Variants in NBPF3 observed in about 807,000 individuals in gnomAD.
NBPF3 encodes NBPF family member NBPF3.
In NBPF3, 57 loss-of-function variants were observed where a neutral mutation model predicts 78.1. The ratio of observed to expected loss-of-function variants is 0.73; its 90% CI spans 0.59 to 0.91. The LOEUF (loss-of-function observed/expected upper bound fraction) is 0.91. Among genes scored for constraint, NBPF3 ranks in the 40% least tolerant of loss-of-function variants. The pLI is 0.00. For synonymous variants in NBPF3, 182 were observed against 271.7 expected, an observed-to-expected ratio of 0.67 and a Z score of 3.25; for missense variants, 510 against 715.3, an observed-to-expected ratio of 0.71 and a Z score of 3.27.
chr1:21,437,754 G>C (rs1200842546), upstream of NBPF3, among the ~76,000 whole-genome samples: 1 of 147,576 alleles, frequency 6.8e-6, no homozygotes, highest in East Asian at 2.1e-4. Context: ...TCCCGGGTTC[G>C]TGCCATTCTC....
At position 21,440,603 on chromosome 1, in the gene NBPF3, G is replaced by T. The variant is rs4654745; in HGVS notation, c.-140+255G>T. Among the ~76,000 whole-genome samples, 68,703 of 151,992 alleles carry T rather than the reference G, an allele frequency of 0.45. 17,348 individuals carry two copies. Among genetic ancestry groups the T allele is most frequent in the Middle Eastern group, 0.61 (180 of 294 alleles). On this transcript the variant is annotated intron_variant, in intron 1 of 14. Transcript: ENST00000318249. ...TGGCGGGTGTTCTGTGGCATCCCAG[G>T]GGGTGGAGGGACGGAGCAGCTTCGG...
intron 12 of NBPF3, among the ~76,000 whole-genome samples, chr1:21,481,293 G>T (rs907636681): frequency 5.3e-5 from 8 of 151,346 alleles, no homozygotes; most frequent in Admixed American, 5.3e-4. Flanking sequence ...ACTGTATGCT[G>T]TGTGCCCTGA....
intron 12 of NBPF3, among the ~76,000 whole-genome samples, chr1:21,481,292 T>C (rs1313712211): frequency 6.6e-6 from 1 of 151,514 alleles, no homozygotes; most frequent in Non-Finnish European, 1.5e-5. Context: ...CACTGTATGC[T>C]GTGTGCCCTG....
At chr1:21,444,746 A>T (rs1417593793) in intron 1 of NBPF3, among the ~76,000 whole-genome samples, 1 of 152,050 alleles carries the variant, frequency 6.6e-6, no homozygotes, top group Non-Finnish European at 1.5e-5. Context: ...TTATTTTCCA[A>T]GACGGGGTCT....
rs1237434311 is a variant in NBPF3 at position 21,476,634 on chromosome 1, G to T, written c.993-1510G>T. 6.6e-6 allele frequency among the ~76,000 whole-genome samples: 1 copy of T among 152,144 alleles called. No individual in the cohort carries two copies. Among genetic ancestry groups the T allele is most frequent in the Non-Finnish European group, 1.5e-5 (1 of 68,022 alleles). Reference sequence around the variant, plus strand: ...CTCTCTTCTGGCTTGTAGGGTTTCTGCAGAGAGATCCACTGTTAGTCTGGT... The same window carrying T: ...CTCTCTTCTGGCTTGTAGGGTTTCTTCAGAGAGATCCACTGTTAGTCTGGT... On this transcript the variant is annotated intron_variant, in intron 8 of 14. Coordinates refer to ENST00000318249, the MANE Select transcript of NBPF3 (RefSeq NM_032264.6). The surrounding 1 kb of genome is among the most constrained non-coding windows in gnomAD (Gnocchi z 4.1).
At chr1:21,449,431 A>G (rs1486159112) in intron 2 of NBPF3, among the ~76,000 whole-genome samples, 1 of 151,350 alleles carries the variant, frequency 6.6e-6, no homozygotes, top group Non-Finnish European at 1.5e-5. Context: ...TTCACATAAT[A>G]ATATGTGGAG....
rs1462586635 is a variant in NBPF3 at position 21,473,386 on chromosome 1, G to A, written c.741G>A (p.Val247=). 1.9e-6 allele frequency: 3 copies of A among 1,614,026 alleles called. No homozygotes were observed. The highest frequency in any genetic ancestry group is 2.5e-6 in the Non-Finnish European group (3 of 1,179,866). Residue 247 remains valine, a synonymous_variant, in exon 7 of 15, where the codon GTG becomes GTA. Transcript: ENST00000318249. ...KVQELYAPRE[V]QKAEEKEVPE... ...ATCCCACCTGGCTCATCAGGGAGGT[G>A]CAGAAGGCTGAAGAAAAGGAAGTCC...
chr1:21,462,520 T>C (rs540884811), intron 2 of NBPF3, among the ~76,000 whole-genome samples: 176 of 152,196 alleles, frequency 1.2e-3, no homozygotes, highest in Non-Finnish European at 1.8e-3. Context: ...AGATAACAAA[T>C]ATTTAGCCTA....
At chr1:21,477,711 A>G (rs1399533269) in intron 8 of NBPF3, among the ~76,000 whole-genome samples, 1 of 151,666 alleles carries the variant, frequency 6.6e-6, no homozygotes, top group Non-Finnish European at 1.5e-5. Flanking sequence ...TGAAAAAATA[A>G]ACATATTATA....
chr1:21,443,648 C>G (rs1640795600), intron 1 of NBPF3, among the ~76,000 whole-genome samples: 1 of 151,744 alleles, frequency 6.6e-6, no homozygotes, highest in South Asian at 2.1e-4. Flanking sequence ...GTGTCTCGCT[C>G]TGTTGCCCAG....
In NBPF3 at chr1:21,445,192, C is replaced by T. The variant is rs758505231; in HGVS notation, c.106C>T (p.Arg36Ter). The change falls in exon 2 of 15, where the codon CGA becomes TGA. Residue 36 changes from arginine to a stop codon, truncating the protein, a stop_gained. Transcript: ENST00000318249. LOFTEE classifies it high-confidence loss of function. ...APRAASHGVG[R>*]HQELRDPTVP... ...AAGAGCAGCCTCACATGGTGTGGGC[C>T]GACATCAAGAGCTGCGAGATCCAAC... 16 of 1,611,552 alleles carry T rather than the reference C, an allele frequency of 9.9e-6. No individual in the cohort carries two copies. Among genetic ancestry groups the T allele is most frequent in the African/African-American group, 1.3e-5 (1 of 74,726 alleles).
chr1:21,469,052 G>A (rs1028797421), intron 3 of NBPF3, among the ~76,000 whole-genome samples, 155 bp downstream of exon 3: 2 of 152,168 alleles, frequency 1.3e-5, no homozygotes, highest in African/African-American at 4.8e-5. Context: ...AAATTGGGAA[G>A]TCAGAGGTAC....
chr1:21,470,314 G>A (rs1214685376), intron 3 of NBPF3, among the ~76,000 whole-genome samples: 2 of 152,254 alleles, frequency 1.3e-5, no homozygotes, highest in Non-Finnish European at 2.9e-5. Flanking sequence ...TTAGAGGAGA[G>A]GCTGCAAGGC....
intron 2 of NBPF3, among the ~76,000 whole-genome samples, chr1:21,452,826 G>A (rs894158856): frequency 6.6e-6 from 1 of 152,130 alleles, no homozygotes; most frequent in African/African-American, 2.4e-5. Flanking sequence ...ACACATAATC[G>A]AGCAAGGCTG....
At position 21,483,419 on chromosome 1, in the gene NBPF3, T is replaced by C. The variant is rs1320734422; in HGVS notation, c.*33T>C. ...TTACTAAGCTGAGAGATGTCATTGC[T>C]GCAGGCAGGACGTATAGGCACATGT... On this transcript the variant is annotated 3_prime_UTR_variant, in exon 15 of 15. Transcript: ENST00000318249. 1.5e-6 allele frequency: 1 copy of C among 677,172 alleles called. No homozygotes were observed. Among genetic ancestry groups the C allele is most frequent in the East Asian group, 3.1e-5 (1 of 31,864 alleles). The allele number at this position is 677,172 out of a possible 1,614,324, so 41.9% of individuals were successfully genotyped here. A position where few individuals can be genotyped will look rare whatever the true frequency, so the allele number is the denominator to read the frequency against.
At chr1:21,480,460 C>T (rs542304973) in intron 11 of NBPF3, among the ~76,000 whole-genome samples, 1 of 121,212 alleles carries the variant, frequency 8.3e-6, no homozygotes, top group South Asian at 2.8e-4. Flanking sequence ...CCTGAGCCCA[C>T]TCTCAGCACA....
chr1:21,459,452 A>G (rs1039761010), intron 2 of NBPF3, among the ~76,000 whole-genome samples: 2 of 152,220 alleles, frequency 1.3e-5, no homozygotes, highest in Non-Finnish European at 2.9e-5. Flanking sequence ...TTCATAAAAA[A>G]TCCCTCCAAA....
rs1407243890 is a variant in NBPF3 at position 21,478,214 on chromosome 1, A to G, written c.1063A>G (p.Ile355Val). 6.2e-7 allele frequency: 1 copy of G among 1,614,156 alleles called. No individual in the cohort carries two copies. Residue 355 changes from isoleucine (I) to valine (V), a missense_variant, in exon 9 of 15, where the codon ATT (isoleucine) becomes GTT (valine). Ile to Val is a conservative substitution (Grantham distance 29, BLOSUM62 3). Around this residue, in one of 5 missense-constraint regions of NBPF3, gnomAD observed 440 missense variants for 478.2 expected, o/e 0.92. Coordinates refer to ENST00000318249, the MANE Select transcript of NBPF3 (RefSeq NM_032264.6). ...GGATGAAGGTGATTGGACTCTCTCA[A>G]TTCCTCCTGACATGTCTGCCTCATA... ...SWDEGDWTLSIPPDMSASYQS... is the reference protein window; with the variant it reads ...SWDEGDWTLSVPPDMSASYQS...
chr1:21,443,558 C>T (rs980068071), intron 1 of NBPF3, among the ~76,000 whole-genome samples: 5 of 151,980 alleles, frequency 3.3e-5, no homozygotes, highest in African/African-American at 9.7e-5. Context: ...AAAGGGCTCA[C>T]GTGATGTGAT....
Sources: gnomAD v4.1 joint callset for allele counts (sites outside exome capture counted in the v4.1 genomes callset) on GRCh38, gnomAD v4.1.1 for gene constraint, gnomAD v4.1.1 regional missense constraint, Gnocchi (gnomAD v3.1) non-coding constraint, MANE v1.5 for transcripts, NCBI Gene and HGNC (gene_info 2026-07-23, HGNC 2026-07-21) for gene names.